Variants in LCTL observed in about 807,000 individuals in gnomAD.
LCTL encodes the protein lactase-like protein.
LCTL carries 76 observed loss-of-function variants against 75.8 expected under a neutral mutation model. That is an observed-to-expected ratio of 1.00 (90% CI 0.83 to 1.21). The LOEUF is 1.21. Ranked by LOEUF, LCTL falls within the 50% of genes most tolerant of loss-of-function variation. LCTL has a pLI of 0.00. For missense variants in LCTL, 670 were observed against 712.4 expected (o/e 0.94, Z 0.68); for synonymous variants, 271 against 268.8 (o/e 1.01, Z -0.08).
At chr15:66,565,223 C>T (rs1374802654) in intron 1 of LCTL, 25 bp downstream of exon 2, 1 of 1,477,154 alleles carries the variant, frequency 6.8e-7, no homozygotes, top group Non-Finnish European at 9.5e-7. Context: ...GACAGGCAGA[C>T]AGACGAACAG....
chr15:66,552,497 C>A (rs558068779), intron 9 of LCTL, among the ~76,000 whole-genome samples: 1 of 151,572 alleles, frequency 6.6e-6, no homozygotes, highest in African/African-American at 2.4e-5. Context: ...ATGGTGAAAA[C>A]CTGTCTCTAC....
At chr15:66,564,040 G>T in intron 2 of LCTL, 42 bp from the exon 4 acceptor site, 1 of 1,315,604 alleles carries the variant, frequency 7.6e-7, no homozygotes, top group Non-Finnish European at 1.1e-6. Flanking sequence ...CTGGGCCCTG[G>T]GTATGGGAGG....
chr15:66,554,020 G>A (rs11856938), intron 8 of LCTL, among the ~76,000 whole-genome samples: 15,214 of 151,724 alleles, frequency 0.1, 864 homozygotes, highest in Middle Eastern at 0.13. Flanking sequence ...GGCCAGGAGC[G>A]GTGGCTCAAA....
At position 66,557,975 on chromosome 15, in the gene LCTL, A is replaced by C; in HGVS notation, c.760+7T>G. The C allele has an allele frequency of 6.2e-7, 1 of 1,607,372 alleles. No homozygotes were observed. The highest frequency in any genetic ancestry group is 8.5e-7 in the Non-Finnish European group (1 of 1,174,854). The stretch of plus-strand genomic sequence containing the variant: ...GTCCTGGGTACATGTGTGGGGCCAC[A>C]GCTCACCTTGCTGCTTGCTGCGCCA... On this transcript the variant is annotated splice_region_variant and intron_variant, in intron 7 of 12. Transcript: ENST00000341509.
intron 11 of LCTL, 37 bp downstream of exon 12, chr15:66,551,625 A>G (rs1895602034): frequency 4.5e-6 from 7 of 1,540,636 alleles, no homozygotes; most frequent in Non-Finnish European, 6.2e-6. Flanking sequence ...AGCTCTTCCT[A>G]AAGTTCAGAA....
Position 66,565,284 on chromosome 15 carries a change from C to T in LCTL, c.82G>A (p.Glu28Lys), listed in dbSNP as rs1289120510. 3 of 1,613,640 alleles carry T rather than the reference C, an allele frequency of 1.9e-6. No individual in the cohort carries two copies. In the African/African-American group the frequency reaches 4.0e-5, roughly 22 times the overall value. Residue 28 changes from glutamate (E) to lysine (K), a missense_variant, in exon 1 of 13, where the codon GAA (glutamate) becomes AAA (lysine). Physicochemically the swap from Glu to Lys is moderately conservative, Grantham distance 56. Transcript: ENST00000341509. ...GTTCCATAGTAGAAGGAGGCCTCTT[C>T]TGGGGACCCCTTCCGGGCGGCCCCC... is the stretch of plus-strand genomic sequence containing the variant.
intron 8 of LCTL, among the ~76,000 whole-genome samples, chr15:66,556,790 C>T (rs761649061): frequency 1.3e-5 from 2 of 152,070 alleles, no homozygotes; most frequent in African/African-American, 4.8e-5. Context: ...GCCAGGGACT[C>T]GGCAAAGTTT....
chr15:66,551,617 C>T (rs769667943), intron 11 of LCTL, 45 bp downstream of exon 12: 37 of 1,493,216 alleles, frequency 2.5e-5, no homozygotes, highest in Non-Finnish European at 3.2e-5. Context: ...AGCTATCTAG[C>T]TCTTCCTAAA....
At chr15:66,557,426 T>C (rs762308515) in intron 8 of LCTL, among the ~76,000 whole-genome samples, 5 of 151,968 alleles carry the variant, frequency 3.3e-5, no homozygotes, top group Admixed American at 6.6e-5. Flanking sequence ...TGACTGCAGT[T>C]AAAGTGGGGT....
chr15:66,558,434 A>G (rs780220202), intron 6 of LCTL, among the ~76,000 whole-genome samples: 1 of 152,180 alleles, frequency 6.6e-6, no homozygotes, highest in Non-Finnish European at 1.5e-5. Context: ...CCTTCTCTTC[A>G]TATTCTACCA....
At position 66,563,507 on chromosome 15, in the gene LCTL, G is replaced by C. The variant is rs1425472651; in HGVS notation, c.480+9C>G. ...CCCTTTGGGCCTGTGAGCCTGCTCA[G>C]GTCCTCACCTGTGGCAGATCCCAGT... On this transcript the variant is annotated intron_variant, in intron 4 of 12. Transcript: ENST00000341509. 6.2e-7 allele frequency: 1 copy of C among 1,602,600 alleles called. No homozygotes were observed. Among genetic ancestry groups the C allele is most frequent in the South Asian group, 1.1e-5 (1 of 90,746 alleles).
intron 2 of LCTL, 21 bp downstream of exon 3, chr15:66,564,655 A>G (rs774446970): frequency 6.2e-7 from 1 of 1,608,294 alleles, no homozygotes. Context: ...GCACACACAC[A>G]CACTCACACC....
intron 3 of LCTL, 116 bp downstream of exon 4, chr15:66,563,795 G>A (rs766474391): frequency 5.1e-5 from 46 of 910,474 alleles, no homozygotes; most frequent in South Asian, 7.3e-5. Context: ...AGCTGCTACC[G>A]TCAGCAACTA....
intron 4 of LCTL, among the ~76,000 whole-genome samples, chr15:66,562,354 G>T (rs181663211): frequency 0.01 from 1,511 of 148,130 alleles, 100 homozygotes; most frequent in Admixed American, 0.093. Flanking sequence ...AGTGAGCCGA[G>T]ATCATGCCAC....
intron 6 of LCTL, 40 bp downstream of exon 7, chr15:66,560,966 G>T: frequency 6.3e-7 from 1 of 1,594,862 alleles, no homozygotes. Flanking sequence ...AGGCTGAGCT[G>T]ACCCTGAGGC....
At chr15:66,564,780 C>G in exon 2 of LCTL, 1 of 1,613,746 alleles carries the variant, frequency 6.2e-7, no homozygotes. Flanking sequence ...GGCCCTTTCC[C>G]GTCCTGGTCC....
Position 66,551,862 on chromosome 15 carries a change from C to T in LCTL, c.1325-1G>A. 6.2e-7 allele frequency: 1 copy of T among 1,603,218 alleles called. No homozygotes were observed. The highest frequency in any genetic ancestry group is 8.5e-7 in the Non-Finnish European group (1 of 1,175,028). On this transcript the variant is annotated splice_acceptor_variant, in intron 10 of 12. Coordinates refer to ENST00000341509, the Ensembl canonical transcript of LCTL. LOFTEE classifies it high-confidence loss of function. Reference sequence around the variant, plus strand: ...TTTATATTAGCACCATCTTTTATAGCTGCAAAGACATTTTATTCCATTTTA... The same window carrying T: ...TTTATATTAGCACCATCTTTTATAGTTGCAAAGACATTTTATTCCATTTTA...
chr15:66,553,924 G>A (rs959945136), intron 8 of LCTL, among the ~76,000 whole-genome samples: 2 of 152,150 alleles, frequency 1.3e-5, no homozygotes, highest in Admixed American at 6.6e-5. Flanking sequence ...GGGAGGCTGA[G>A]GCAGGTGGAT....
intron 3 of LCTL, 40 bp downstream of exon 4, chr15:66,563,871 G>A (rs1895955345): frequency 6.7e-7 from 1 of 1,502,550 alleles, no homozygotes; most frequent in Admixed American, 1.7e-5. Flanking sequence ...ATTGCCGGAA[G>A]GGGCCTCACT....
Sources: allele counts gnomAD v4.1 joint callset (sites outside exome capture counted in the v4.1 genomes callset), GRCh38; gene constraint gnomAD v4.1.1; transcripts MANE v1.5; gene names NCBI Gene and HGNC (gene_info 2026-07-23, HGNC 2026-07-21).